The following FOXN3 variants were observed in gnomAD, a reference collection of about 807,000 sequenced individuals.
The protein encoded by FOXN3 is forkhead box protein N3.
A neutral mutation model predicts 38.4 loss-of-function variants in FOXN3; 7 were observed. That is an observed-to-expected ratio of 0.18 (90% CI 0.10 to 0.34). The LOEUF (loss-of-function observed/expected upper bound fraction) is 0.34. Among genes scored for constraint, FOXN3 ranks in the 10% least tolerant of loss-of-function variants. The pLI is 1.00. For missense variants in FOXN3, 456 were observed against 613.4 expected (o/e 0.74, Z 2.71); for synonymous variants, 230 against 242.2 (o/e 0.95, Z 0.47).
At chr14:89,536,950 T>C (rs1199828987) in intron 1 of FOXN3, among the ~76,000 whole-genome samples, 1 of 152,224 alleles carries the variant, frequency 6.6e-6, no homozygotes, top group East Asian at 1.9e-4. Flanking sequence ...TATCATGGCA[T>C]GACCCCTTGA....
At chr14:89,368,281 G>A (rs1475188112) in intron 2 of FOXN3, among the ~76,000 whole-genome samples, 2 of 145,538 alleles carry the variant, frequency 1.4e-5, no homozygotes, top group African/African-American at 5.1e-5. Context: ...AGTGAACCAA[G>A]ATCACCCCAT....
intron 1 of FOXN3, among the ~76,000 whole-genome samples, chr14:89,561,617 A>G (rs243210): frequency 0.91 from 138,798 of 152,304 alleles, 63,594 homozygotes; most frequent in African/African-American, 0.97. Flanking sequence ...TGGCATTTAT[A>G]AGAAAGATGG....
intron 2 of FOXN3, among the ~76,000 whole-genome samples, chr14:89,354,856 A>G (rs1439196350): frequency 6.6e-6 from 1 of 151,958 alleles, no homozygotes; most frequent in Admixed American, 6.5e-5. Flanking sequence ...CTCCGTCTCA[A>G]AAAATAAATA....
chr14:89,528,958 G>C (rs994943972), intron 1 of FOXN3, among the ~76,000 whole-genome samples: 3 of 152,130 alleles, frequency 2.0e-5, no homozygotes, highest in South Asian at 4.1e-4. Flanking sequence ...TGAAGCCACG[G>C]ATGTACACAT....
At chr14:89,449,616 G>C (rs1370810548) in intron 1 of FOXN3, among the ~76,000 whole-genome samples, 2 of 152,224 alleles carry the variant, frequency 1.3e-5, no homozygotes, top group African/African-American at 4.8e-5. Context: ...AGAAGAAAAT[G>C]CCAAGGTGAC....
At chr14:89,279,744 A>G (rs1309485953) in intron 4 of FOXN3, among the ~76,000 whole-genome samples, 1 of 152,168 alleles carries the variant, frequency 6.6e-6, no homozygotes, top group Admixed American at 6.5e-5. Context: ...GCCTGACTAC[A>G]TTTCACCTGT....
chr14:89,235,725 G>A (rs1214447225), intron 4 of FOXN3, among the ~76,000 whole-genome samples: 2 of 152,210 alleles, frequency 1.3e-5, no homozygotes, highest in Non-Finnish European at 2.9e-5. Context: ...GGAGGTCAGA[G>A]TGATTTCATG....
At chr14:89,227,819 G>A (rs1029062435) in intron 4 of FOXN3, among the ~76,000 whole-genome samples, 4 of 152,248 alleles carry the variant, frequency 2.6e-5, no homozygotes, top group Non-Finnish European at 4.4e-5. Flanking sequence ...CAGCAGCTAA[G>A]AACGGCCCCC....
chr14:89,537,987 T>G (rs1382139364), intron 1 of FOXN3, among the ~76,000 whole-genome samples: 2 of 152,186 alleles, frequency 1.3e-5, no homozygotes, highest in African/African-American at 4.8e-5. Flanking sequence ...TTTATTACTA[T>G]CCTTTCTTCT....
At chr14:89,395,075 T>G (rs1471321377) in intron 2 of FOXN3, among the ~76,000 whole-genome samples, 1 of 152,240 alleles carries the variant, frequency 6.6e-6, no homozygotes, top group African/African-American at 2.4e-5. Flanking sequence ...AACATTGTTA[T>G]GTAAGCTGCC....
At chr14:89,580,150 C>T (rs774716720) in intron 1 of FOXN3, among the ~76,000 whole-genome samples, 4 of 152,144 alleles carry the variant, frequency 2.6e-5, no homozygotes, top group African/African-American at 9.7e-5. Flanking sequence ...GGAAATCAGT[C>T]AAGAGCAGTA....
chr14:89,445,750 G>A (rs1174040190), intron 1 of FOXN3, among the ~76,000 whole-genome samples: 6 of 152,082 alleles, frequency 3.9e-5, no homozygotes, highest in Non-Finnish European at 4.4e-5. Flanking sequence ...AGGAAATTCA[G>A]CGTGGTCCTC....
chr14:89,422,161 C>T (rs1428376384), upstream of FOXN3, among the ~76,000 whole-genome samples: 4 of 152,222 alleles, frequency 2.6e-5, no homozygotes, highest in Non-Finnish European at 4.4e-5. Context: ...CATAAGCCAC[C>T]GCACCTGGCC....
chr14:89,236,636 G>T (rs941863315), intron 4 of FOXN3, among the ~76,000 whole-genome samples: 43 of 152,182 alleles, frequency 2.8e-4, no homozygotes, highest in Non-Finnish European at 1.0e-4. Flanking sequence ...GCCAGAAGGG[G>T]GTTTCTGCTC....
chr14:89,328,380 C>A (rs1303841446), intron 3 of FOXN3, among the ~76,000 whole-genome samples: 2 of 152,210 alleles, frequency 1.3e-5, no homozygotes, highest in Non-Finnish European at 2.9e-5. Flanking sequence ...TTCCCACCAG[C>A]AGCCCTGGAT....
chr14:89,594,075 G>A (rs1445587574), intron 1 of FOXN3, among the ~76,000 whole-genome samples: 1 of 152,214 alleles, frequency 6.6e-6, no homozygotes, highest in Non-Finnish European at 1.5e-5. Flanking sequence ...AAGTATTTGT[G>A]TGTGTGCACA....
intron 1 of FOXN3, among the ~76,000 whole-genome samples, chr14:89,475,822 A>G (rs1019248907): frequency 6.6e-6 from 1 of 152,222 alleles, no homozygotes. Context: ...ATAGTCTTCA[A>G]ACAGAACTTG....
At chr14:89,278,502 A>G (rs1886365937) in intron 4 of FOXN3, among the ~76,000 whole-genome samples, 1 of 152,202 alleles carries the variant, frequency 6.6e-6, no homozygotes, top group Admixed American at 6.5e-5. Flanking sequence ...CAATTCTGCC[A>G]GTCCTGCTAG....
chr14:89,501,474 G>C (rs913842702), intron 1 of FOXN3, among the ~76,000 whole-genome samples: 3 of 152,134 alleles, frequency 2.0e-5, no homozygotes, highest in African/African-American at 7.2e-5. Context: ...CCTCTGCATA[G>C]TCATAAGTAG....
Sources: gnomAD v4.1 joint callset for allele counts (sites outside exome capture counted in the v4.1 genomes callset) on GRCh38, gnomAD v4.1.1 for gene constraint, MANE v1.5 for transcripts, NCBI Gene and HGNC (gene_info 2026-07-23, HGNC 2026-07-21) for gene names.